TAFA5: variants seen among roughly 807,000 people sequenced by gnomAD.
The protein encoded by TAFA5 is TAFA chemokine like family member 5, also known as chemokine-like protein TAFA-5.
A neutral mutation model predicts 15.3 loss-of-function variants in TAFA5; 6 were observed. That is an observed-to-expected ratio of 0.39 (90% CI 0.21 to 0.77). The LOEUF (loss-of-function observed/expected upper bound fraction) is 0.77, where lower values mean the gene tolerates loss of function less well. Among genes scored for constraint, TAFA5 ranks in the 30% least tolerant of loss-of-function variants. The probability of loss-of-function intolerance (pLI) is 0.41; values close to 1 mark genes in which losing one functional copy is unlikely to be tolerated. For synonymous variants in TAFA5, 103 were observed against 80.7 expected, an observed-to-expected ratio of 1.28 and a Z score of -1.48; for missense variants, 161 against 193.1, an observed-to-expected ratio of 0.83 and a Z score of 0.98.
chr22:48,514,838 G>A (rs1282596536), intron 1 of TAFA5, among the ~76,000 whole-genome samples: 1 of 152,260 alleles, frequency 6.6e-6, no homozygotes, highest in Non-Finnish European at 1.5e-5. Context: ...TACTAATGGG[G>A]CTGTTGCTCT....
At chr22:48,608,071 T>C (rs1372055088) in intron 1 of TAFA5, among the ~76,000 whole-genome samples, 7 of 115,784 alleles carry the variant, frequency 6.0e-5, no homozygotes, top group Admixed American at 5.5e-4. Context: ...AATGAGGCAG[T>C]GAGCCAGCCC....
intron 2 of TAFA5, chr22:48,693,205 G>C: frequency 7.9e-7 from 1 of 1,269,022 alleles, no homozygotes; most frequent in Non-Finnish European, 1.1e-6. Flanking sequence ...CAGTGACGGG[G>C]CCTCACTCGT....
intron 1 of TAFA5, chr22:48,544,736 C>T (rs1442375272): frequency 3.0e-5 from 14 of 471,186 alleles, no homozygotes; most frequent in African/African-American, 1.4e-4. Flanking sequence ...GTCCCCACTC[C>T]GGGCTGCGGG....
chr22:48,490,522 C>G lies in TAFA5; in HGVS notation c.112+818C>G, dbSNP rs1037853550. ...GTGGAATGAGGGGTGGTTGGAGTCC[C>G]GGGTGCAGACTCCAGCCTCGGCGCT... On this transcript the variant is annotated intron_variant, in intron 1 of 3. Coordinates refer to ENST00000402357, the MANE Select transcript of TAFA5 (RefSeq NM_001082967.3). This position sits in a 1 kb window ranked among gnomAD's most constrained non-coding sequence, Gnocchi z 5.8. 4.0e-5 allele frequency among the ~76,000 whole-genome samples: 6 copies of G among 151,790 alleles called. No homozygotes were observed. Among genetic ancestry groups the G allele is most frequent in the African/African-American group, 1.5e-4 (6 of 41,334 alleles).
intron 2 of TAFA5, among the ~76,000 whole-genome samples, chr22:48,657,901 G>A (rs1362744169): frequency 6.6e-6 from 1 of 152,230 alleles, no homozygotes; most frequent in African/African-American, 2.4e-5. Flanking sequence ...CCTGAGTGAT[G>A]CCTTCCAGGT....
intron 3 of TAFA5, among the ~76,000 whole-genome samples, chr22:48,730,122 C>T (rs149077235): frequency 0.018 from 2,743 of 152,272 alleles, 87 homozygotes; most frequent in African/African-American, 0.063. Flanking sequence ...CGGTGGCTTA[C>T]GCCTGTAATC....
intron 1 of TAFA5, among the ~76,000 whole-genome samples, chr22:48,571,376 G>T (rs1355625556): frequency 6.9e-6 from 1 of 144,466 alleles, no homozygotes; most frequent in Non-Finnish European, 1.5e-5. Context: ...CTGGGTTCAA[G>T]TGATTCTCCT....
rs575877323 is a variant in TAFA5 at position 48,568,230 on chromosome 22, G to A, written c.113-78367G>A. 7.2e-5 allele frequency among the ~76,000 whole-genome samples: 11 copies of A among 152,368 alleles called. No homozygotes were observed. The South Asian group carries it at 2.3e-3, about 32-fold the overall frequency. On this transcript the variant is annotated intron_variant, in intron 1 of 3. Coordinates refer to ENST00000402357, the MANE Select transcript of TAFA5 (RefSeq NM_001082967.3). ...AAAGCAGCACCTTCCCCCTGCCCTG[G>A]CCTGCGCCTCCATCTTCTCTTTTTT...
chr22:48,638,838 C>T (rs1464455494), intron 1 of TAFA5, among the ~76,000 whole-genome samples: 6 of 142,598 alleles, frequency 4.2e-5, no homozygotes, highest in Non-Finnish European at 3.1e-5. Flanking sequence ...CCTGGGACAC[C>T]GCACACAGGC....
chr22:48,703,618 C>T (rs1349230289), intron 2 of TAFA5, among the ~76,000 whole-genome samples: 2 of 152,240 alleles, frequency 1.3e-5, no homozygotes, highest in Non-Finnish European at 2.9e-5. Context: ...CTGGGTAGTG[C>T]GCTGTGGCCT....
intron 1 of TAFA5, among the ~76,000 whole-genome samples, chr22:48,515,575 G>A (rs1921374687): frequency 6.6e-6 from 1 of 152,096 alleles, no homozygotes; most frequent in Non-Finnish European, 1.5e-5. Flanking sequence ...CTCCCTTGAT[G>A]CTCCTTTCCT....
At chr22:48,672,623 A>G (rs969446525) in intron 2 of TAFA5, among the ~76,000 whole-genome samples, 3 of 152,216 alleles carry the variant, frequency 2.0e-5, no homozygotes, top group Admixed American at 6.5e-5. Context: ...CCCAGCCTAC[A>G]TGATGGCTGT....
At chr22:48,601,540 T>C (rs1427609328) in intron 1 of TAFA5, among the ~76,000 whole-genome samples, 2 of 152,168 alleles carry the variant, frequency 1.3e-5, no homozygotes, top group African/African-American at 4.8e-5. Context: ...TTGGCCAGGC[T>C]GGTCTCAAAC....
chr22:48,718,530 G>C (rs1031504424), intron 3 of TAFA5, among the ~76,000 whole-genome samples: 8 of 152,102 alleles, frequency 5.3e-5, no homozygotes, highest in Non-Finnish European at 1.0e-4. Flanking sequence ...TGTCTGCCCT[G>C]TCCGACCCCC....
chr22:48,743,338 C>A (rs1352881364), intron 3 of TAFA5, among the ~76,000 whole-genome samples: 1 of 152,224 alleles, frequency 6.6e-6, no homozygotes, highest in African/African-American at 2.4e-5. Flanking sequence ...GCTCCCGCCT[C>A]TGTCTCTGTC....
chr22:48,591,649 G>A (rs1276451535), intron 1 of TAFA5, among the ~76,000 whole-genome samples: 1 of 152,254 alleles, frequency 6.6e-6, no homozygotes, highest in African/African-American at 2.4e-5. Context: ...GGGTGATGGG[G>A]TGACCCAGAG....
intron 3 of TAFA5, among the ~76,000 whole-genome samples, chr22:48,748,668 T>C (rs1930396126): frequency 6.6e-6 from 1 of 152,066 alleles, no homozygotes; most frequent in Non-Finnish European, 1.5e-5. Context: ...GACGGCAAGG[T>C]CGTTCCCAGA....
chr22:48,710,507 C>T (rs1159318299), intron 3 of TAFA5, among the ~76,000 whole-genome samples: 2 of 152,198 alleles, frequency 1.3e-5, no homozygotes, highest in Admixed American at 1.3e-4. Context: ...ACCAGGGCCA[C>T]CCAACCAGCC....
intron 1 of TAFA5, among the ~76,000 whole-genome samples, chr22:48,526,359 G>A (rs1921782099): frequency 6.6e-6 from 1 of 152,232 alleles, no homozygotes; most frequent in Admixed American, 6.5e-5. Context: ...CCCTTGGCTG[G>A]CTCCAAAATC....
Sources: gnomAD v4.1 joint callset for allele counts (sites outside exome capture counted in the v4.1 genomes callset) on GRCh38, gnomAD v4.1.1 for gene constraint, Gnocchi (gnomAD v3.1) non-coding constraint, MANE v1.5 for transcripts, NCBI Gene and HGNC (gene_info 2026-07-23, HGNC 2026-07-21) for gene names.